The following ABHD6 variants were observed in gnomAD, a reference collection of about 807,000 sequenced individuals.
ABHD6 encodes the protein monoacylglycerol lipase ABHD6.
In ABHD6, 33 loss-of-function variants were observed where a neutral mutation model predicts 38.8. That is an observed-to-expected ratio of 0.85 (90% CI 0.64 to 1.14). The LOEUF (loss-of-function observed/expected upper bound fraction) is 1.14, where lower values mean the gene tolerates loss of function less well. Among genes scored for constraint, ABHD6 ranks in the 50% most tolerant of loss-of-function variants. The pLI, the probability that ABHD6 is intolerant of heterozygous loss-of-function variation, is 0.00. For synonymous variants in ABHD6, 147 were observed against 161.6 expected (o/e 0.91, Z 0.69); for missense variants, 380 against 422.6 (o/e 0.90, Z 0.88).
chr3:58,288,616 T>TAACA (rs2097459214), intron 9 of ABHD6, among the ~76,000 whole-genome samples: 1 of 151,756 alleles, frequency 6.6e-6, no homozygotes, highest in Admixed American at 6.6e-5. Flanking sequence ...ATAAACCCAC[T>TAACA]GACTGACTAC....
intron 1 of ABHD6, among the ~76,000 whole-genome samples, chr3:58,243,069 G>A (rs886187473): frequency 1.3e-5 from 2 of 152,120 alleles, no homozygotes; most frequent in African/African-American, 4.8e-5. Context: ...TTTTATGGCT[G>A]CATAGTATTC....
chr3:58,250,067 G>C (rs2097428909), intron 2 of ABHD6, 125 bp downstream of exon 2: 1 of 152,144 alleles, frequency 6.6e-6, no homozygotes, highest in Non-Finnish European at 1.5e-5. Context: ...TGATTTTTCT[G>C]ATCAGTAGGT....
In ABHD6 at chr3:58,285,477, G is replaced by A; in HGVS notation, c.837+24G>A. Reference sequence around the variant, plus strand: ...AGGTATGTAACACATCCCCGCGGCAGTCTGTGCTGGTCACCAGGGCCTCTG... The same window carrying A: ...AGGTATGTAACACATCCCCGCGGCAATCTGTGCTGGTCACCAGGGCCTCTG... On this transcript the variant is annotated intron_variant, in intron 9 of 9. Transcript: ENST00000478253. The surrounding 1 kb of genome is among the most constrained non-coding windows in gnomAD (Gnocchi z 4.9). The A allele has an allele frequency of 6.3e-7, 1 of 1,593,470 alleles. No individual in the cohort carries two copies. The highest frequency in any genetic ancestry group is 1.1e-5 in the South Asian group (1 of 90,590).
rs1231079306 is a variant in ABHD6, at chr3:58,285,491, C to T, written c.837+38C>T. Reference sequence around the variant, plus strand: ...TCCCCGCGGCAGTCTGTGCTGGTCACCAGGGCCTCTGAGGAAAAACGTCCT... The same window carrying T: ...TCCCCGCGGCAGTCTGTGCTGGTCATCAGGGCCTCTGAGGAAAAACGTCCT... On this transcript the variant is annotated intron_variant, in intron 9 of 9. Coordinates refer to ENST00000478253, the MANE Select transcript of ABHD6 (RefSeq NM_001320126.2). The surrounding 1 kb of genome is among the most constrained non-coding windows in gnomAD (Gnocchi z 4.9). The T allele has an allele frequency of 9.6e-6, 15 of 1,560,402 alleles. No homozygotes were observed. Among genetic ancestry groups the T allele is most frequent in the Non-Finnish European group, 1.3e-5 (15 of 1,131,322 alleles).
In ABHD6 at chr3:58,285,508, A is replaced by C; in HGVS notation, c.837+55A>C. On this transcript the variant is annotated intron_variant, in intron 9 of 9. Coordinates refer to ENST00000478253, the MANE Select transcript of ABHD6 (RefSeq NM_001320126.2). The surrounding 1 kb of genome is among the most constrained non-coding windows in gnomAD (Gnocchi z 4.9). ...GCTGGTCACCAGGGCCTCTGAGGAAAAACGTCCTTGAGGAAGAACAAGTGG... is the reference window on the plus strand; with the variant it reads ...GCTGGTCACCAGGGCCTCTGAGGAACAACGTCCTTGAGGAAGAACAAGTGG... The C allele has an allele frequency of 6.8e-7, 1 of 1,462,090 alleles. No individual in the cohort carries two copies. The highest frequency in any genetic ancestry group is 1.1e-5 in the South Asian group (1 of 87,732). 90.6% of individuals were successfully genotyped at this position (1,462,090 alleles called of 1,614,324 possible). A position where few individuals can be genotyped will look rare whatever the true frequency, so the allele number is the denominator to read the frequency against.
chr3:58,280,261 C>T (rs1031255655), intron 7 of ABHD6, among the ~76,000 whole-genome samples: 11 of 152,110 alleles, frequency 7.2e-5, no homozygotes, highest in African/African-American at 1.9e-4. Context: ...CACATAGTCC[C>T]GTATTTCTTG....
At chr3:58,284,026 G>A (rs2097455228) in intron 7 of ABHD6, among the ~76,000 whole-genome samples, 1 of 152,220 alleles carries the variant, frequency 6.6e-6, no homozygotes, top group African/African-American at 2.4e-5. Flanking sequence ...TCCTGAGAGA[G>A]TGTAATTAAA....
Position 58,256,075 on chromosome 3 carries a change from C to T in ABHD6, c.-25-487C>T, listed in dbSNP as rs912384224. Among the ~76,000 whole-genome samples, 3 of 76,484 alleles carry T rather than the reference C, an allele frequency of 3.9e-5. No individual in the cohort carries two copies. The highest frequency in any genetic ancestry group is 2.5e-4 in the African/African-American group (3 of 12,236). 50.2% of individuals were successfully genotyped at this position (76,484 alleles called of 152,430 possible). ...TTATTTCTCTCTCTTTTCCTCCCAC[C>T]AACACACACACACACACACACACAC... On this transcript the variant is annotated intron_variant, in intron 2 of 9. Coordinates refer to ENST00000478253, the MANE Select transcript of ABHD6 (RefSeq NM_001320126.2). The surrounding 1 kb of genome is among the most constrained non-coding windows in gnomAD (Gnocchi z 4.3).
Position 58,267,464 on chromosome 3 carries a change from A to C in ABHD6, c.276+119A>C. ...AGGATTGCTTGAGTCCAGGAGTTCA[A>C]AACCAGCCTGGACAACATAAAGAAA... On this transcript the variant is annotated intron_variant, in intron 4 of 9. Coordinates refer to ENST00000478253, the MANE Select transcript of ABHD6 (RefSeq NM_001320126.2). The surrounding 1 kb of genome is among the most constrained non-coding windows in gnomAD (Gnocchi z 4.3). 3.8e-6 allele frequency: 5 copies of C among 1,303,730 alleles called. No homozygotes were observed. The highest frequency in any genetic ancestry group is 4.3e-6 in the Non-Finnish European group (4 of 933,378). 80.8% of individuals were successfully genotyped at this position (1,303,730 alleles called of 1,614,324 possible). A position where few individuals can be genotyped will look rare whatever the true frequency, so the allele number is the denominator to read the frequency against.
rs1006146411 is a variant in ABHD6, at chr3:58,265,059, T to G, written c.120-2130T>G. On this transcript the variant is annotated intron_variant, in intron 3 of 9. Transcript: ENST00000478253. This position sits in a 1 kb window ranked among gnomAD's most constrained non-coding sequence, Gnocchi z 4.2. ...TCTCCCCTACCCCCAGCTACTCATC[T>G]CAGCCTCTGGTAACCATCCTTCTAC... Among the ~76,000 whole-genome samples the G allele has an allele frequency of 1.3e-5, 2 of 152,272 alleles. No individual in the cohort carries two copies. Among genetic ancestry groups the G allele is most frequent in the South Asian group, 4.1e-4 (2 of 4,826 alleles).
intron 1 of ABHD6, among the ~76,000 whole-genome samples, chr3:58,248,717 AGAT>A (rs1354570400): frequency 6.6e-6 from 1 of 152,166 alleles, no homozygotes; most frequent in African/African-American, 2.4e-5. Context: ...AAAAAGAGAG[AGAT>A]GATCATTAGG....
intron 9 of ABHD6, among the ~76,000 whole-genome samples, chr3:58,286,848 G>GTATATATATATATATGTATA (rs60071781): frequency 1.4e-5 from 1 of 70,060 alleles, no homozygotes; most frequent in African/African-American, 5.6e-5. Flanking sequence ...GTGTGTGTGT[G>GTATATATATATATATGTATA]TGTGTATATA....
chr3:58,289,702 C>T (rs943919361), intron 9 of ABHD6, among the ~76,000 whole-genome samples: 3 of 152,246 alleles, frequency 2.0e-5, no homozygotes, highest in African/African-American at 4.8e-5. Context: ...CCTTTCTATT[C>T]CACAAAACCA....
At chr3:58,275,408 C>T (rs2097448052) in intron 7 of ABHD6, among the ~76,000 whole-genome samples, 1 of 149,238 alleles carries the variant, frequency 6.7e-6, no homozygotes, top group African/African-American at 2.5e-5. Context: ...CGGCTCACTG[C>T]AACCTCTGCC....
Position 58,251,411 on chromosome 3 carries a change from G to A in ABHD6, c.-26+1469G>A, listed in dbSNP as rs532675412. 1.3e-4 allele frequency among the ~76,000 whole-genome samples: 20 copies of A among 152,156 alleles called. No individual in the cohort carries two copies. Among genetic ancestry groups the A allele is most frequent in the African/African-American group, 4.6e-4 (19 of 41,512 alleles). Reference sequence around the variant, plus strand: ...AGATTCTATGAAAGTGTTTTACGTTGTTTATTCTTGGATTTTACTTTATAC... The same window carrying A: ...AGATTCTATGAAAGTGTTTTACGTTATTTATTCTTGGATTTTACTTTATAC... On this transcript the variant is annotated intron_variant, in intron 2 of 9. Transcript: ENST00000478253. This position sits in a 1 kb window ranked among gnomAD's most constrained non-coding sequence, Gnocchi z 5.4.
Position 58,251,399 on chromosome 3 carries a change from G to C in ABHD6, c.-26+1457G>C, listed in dbSNP as rs1307429032. Among the ~76,000 whole-genome samples, 1 of 152,044 alleles carries C rather than the reference G, an allele frequency of 6.6e-6. No individual in the cohort carries two copies. The highest frequency in any genetic ancestry group is 1.5e-5 in the Non-Finnish European group (1 of 68,018). ...GATGTGTCTATGAGATTCTATGAAAGTGTTTTACGTTGTTTATTCTTGGAT... is the reference window on the plus strand; with the variant it reads ...GATGTGTCTATGAGATTCTATGAAACTGTTTTACGTTGTTTATTCTTGGAT... On this transcript the variant is annotated intron_variant, in intron 2 of 9. Transcript: ENST00000478253. The surrounding 1 kb of genome is among the most constrained non-coding windows in gnomAD (Gnocchi z 5.4).
At chr3:58,275,398 C>A (rs1220823448) in intron 7 of ABHD6, among the ~76,000 whole-genome samples, 3 of 148,426 alleles carry the variant, frequency 2.0e-5, no homozygotes, top group African/African-American at 7.5e-5. Context: ...AGCATGATCT[C>A]GGCTCACTGC....
chr3:58,269,852 A>C lies in ABHD6; in HGVS notation c.390+418A>C, dbSNP rs1263317183. Among the ~76,000 whole-genome samples, 1 of 152,088 alleles carries C rather than the reference A, an allele frequency of 6.6e-6. No homozygotes were observed. The highest frequency in any genetic ancestry group is 1.5e-5 in the Non-Finnish European group (1 of 68,022). ...ATCTATTGCTAGCACCTATTTTAGA[A>C]TCTATCTCTAGCCTTCTCTGGCTAA... On this transcript the variant is annotated intron_variant, in intron 5 of 9. Coordinates refer to ENST00000478253, the MANE Select transcript of ABHD6 (RefSeq NM_001320126.2). The surrounding 1 kb of genome is among the most constrained non-coding windows in gnomAD (Gnocchi z 4.4).
intron 3 of ABHD6, among the ~76,000 whole-genome samples, chr3:58,264,157 A>G (rs2097439086): frequency 1.3e-5 from 2 of 152,218 alleles, no homozygotes; most frequent in South Asian, 4.1e-4. Flanking sequence ...TTTCCTATTC[A>G]TGGACACTAA....
Sources: allele counts gnomAD v4.1 joint callset (sites outside exome capture counted in the v4.1 genomes callset), GRCh38; gene constraint gnomAD v4.1.1; non-coding constraint Gnocchi (gnomAD v3.1); transcripts MANE v1.5; gene names NCBI Gene and HGNC (gene_info 2026-07-23, HGNC 2026-07-21).